The following TCF4 variants were observed in gnomAD, a reference collection of about 807,000 sequenced individuals.
TCF4 encodes SL3-3 enhancer factor 2.
TCF4 carries 3 observed loss-of-function variants against 82.1 expected under a neutral mutation model. That is an observed-to-expected ratio of 0.04 (90% confidence interval 0.02 to 0.09). The LOEUF is 0.09. Among genes scored for constraint, TCF4 ranks in the 10% least tolerant of loss-of-function variants. The probability of loss-of-function intolerance (pLI) is 1.00; values close to 1 mark genes in which losing one functional copy is unlikely to be tolerated. For synonymous variants in TCF4, 276 were observed against 309.6 expected (o/e 0.89, Z 1.14); for missense variants, 518 against 852.7 (o/e 0.61, Z 4.89).
intron 8 of TCF4, among the ~76,000 whole-genome samples, chr18:55,293,931 CTTTTTTTTTTTTTTTTTT>C (rs781150808): frequency 1.1e-3 from 45 of 40,062 alleles, no homozygotes; most frequent in Middle Eastern, 0.036. Flanking sequence ...TTTCCAAGGA[CTTTTTTTTTTTTTTTTTT>C]TTTTTTTTTT....
At chr18:55,486,625 C>T (rs1250979436) in intron 3 of TCF4, among the ~76,000 whole-genome samples, 3 of 152,022 alleles carry the variant, frequency 2.0e-5, no homozygotes, top group Non-Finnish European at 4.4e-5. Context: ...GAAAAGAAGA[C>T]AAGAAGGAAA....
intron 13 of TCF4, 110 bp downstream of exon 13, chr18:55,259,839 G>T: frequency 1.1e-6 from 1 of 923,514 alleles, no homozygotes. Flanking sequence ...GAATGTTAAA[G>T]CTTTGGGATT....
intron 8 of TCF4, among the ~76,000 whole-genome samples, chr18:55,312,426 T>C (rs1273503186): frequency 1.3e-5 from 2 of 152,166 alleles, no homozygotes; most frequent in African/African-American, 4.8e-5. Context: ...TGTTTTTCCT[T>C]TTTCGTCATC....
At chr18:55,495,799 C>T (rs1212296591) in intron 3 of TCF4, 1 of 152,052 alleles carries the variant, frequency 6.6e-6, no homozygotes, top group Non-Finnish European at 1.5e-5. Flanking sequence ...TAATCTAGAC[C>T]TAAGAAAAGA....
chr18:55,583,914 T>C (rs1374638403), intron 3 of TCF4, among the ~76,000 whole-genome samples: 1 of 152,084 alleles, frequency 6.6e-6, no homozygotes. Context: ...ATAATACTAA[T>C]ATAAAAACTA....
chr18:55,363,737 C>T (rs543298617), intron 6 of TCF4, among the ~76,000 whole-genome samples: 4 of 151,998 alleles, frequency 2.6e-5, no homozygotes, highest in African/African-American at 7.2e-5. Flanking sequence ...ACCTGGGAGG[C>T]GAAGTTTGCA....
At chr18:55,349,591 G>C (rs536944468) in intron 8 of TCF4, among the ~76,000 whole-genome samples, 7 of 152,134 alleles carry the variant, frequency 4.6e-5, no homozygotes, top group East Asian at 1.9e-4. Flanking sequence ...AGAAAGAAGA[G>C]AGGAAACTAT....
chr18:55,389,924 G>A (rs554218618), intron 6 of TCF4, among the ~76,000 whole-genome samples: 1 of 152,142 alleles, frequency 6.6e-6, no homozygotes, highest in Non-Finnish European at 1.5e-5. Flanking sequence ...TTTTGGAGAT[G>A]AGGGAGACCG....
At chr18:55,508,143 C>G (rs2096784410) in intron 3 of TCF4, among the ~76,000 whole-genome samples, 1 of 152,074 alleles carries the variant, frequency 6.6e-6, no homozygotes. Flanking sequence ...AAAACTTTCT[C>G]CCACCCCCCA....
At chr18:55,452,814 T>G (rs964990114) in intron 5 of TCF4, 2 of 152,222 alleles carry the variant, frequency 1.3e-5, no homozygotes, top group African/African-American at 4.8e-5. Context: ...CTCACGCTCC[T>G]TCCCATGCAA....
chr18:55,435,370 G>A (rs1470572363), intron 5 of TCF4, among the ~76,000 whole-genome samples: 2 of 152,168 alleles, frequency 1.3e-5, no homozygotes, highest in African/African-American at 4.8e-5. Context: ...GGCAAATGCT[G>A]AGTCTGTAAC....
At chr18:55,429,764 C>CAA (rs35255242) in intron 5 of TCF4, among the ~76,000 whole-genome samples, 37,558 of 57,072 alleles carry the variant, frequency 0.66, 15,502 homozygotes, top group Admixed American at 0.75. Context: ...GACTCCATCT[C>CAA]AAAAAAAAAA....
intron 3 of TCF4, among the ~76,000 whole-genome samples, chr18:55,580,346 G>A (rs1179665976): frequency 6.6e-6 from 1 of 151,934 alleles, no homozygotes; most frequent in Admixed American, 6.6e-5. Context: ...AAAGACAGGA[G>A]ATCCTTATTT....
chr18:55,564,879 C>T (rs981828402), intron 3 of TCF4, among the ~76,000 whole-genome samples: 2 of 152,160 alleles, frequency 1.3e-5, no homozygotes, highest in African/African-American at 4.8e-5. Context: ...AACCCTATTT[C>T]TATCCATTTT....
chr18:55,576,209 T>C (rs558518475), intron 3 of TCF4, among the ~76,000 whole-genome samples: 2 of 152,260 alleles, frequency 1.3e-5, no homozygotes, highest in African/African-American at 2.4e-5. Flanking sequence ...CAAAAGAACC[T>C]AGATTTCCAG....
upstream of TCF4, chr18:55,588,248 G>A: frequency 7.0e-7 from 1 of 1,421,106 alleles, no homozygotes; most frequent in South Asian, 1.5e-5. Flanking sequence ...CCGGGGAGGG[G>A]AGGGGACGGA....
Position 55,463,977 on chromosome 18 carries a change from T to TGTGA in TCF4, c.207+98_207+99insTCAC, listed in dbSNP as rs867214369. 0.079 allele frequency: 22,261 copies of TGTGA among 282,532 alleles called. 256 individuals are homozygous for TGTGA. Among genetic ancestry groups the TGTGA allele is most frequent in the African/African-American group, 0.099 (2,631 of 26,708 alleles). The allele number at this position is 282,532 out of a possible 1,614,324, so 17.5% of individuals were successfully genotyped here. A position where few individuals can be genotyped will look rare whatever the true frequency, so the allele number is the denominator to read the frequency against. ...GTGTGTGTGTGTGTGTGTGTGTGTG[T>TGTGA]GAGAGAGAGAGAGAGAGAGAGAGAG... On this transcript the variant is annotated intron_variant, in intron 4 of 19. Coordinates refer to ENST00000354452, the MANE Select transcript of TCF4 (RefSeq NM_001083962.2).
At chr18:55,466,009 G>A (rs1031405848) in intron 3 of TCF4, among the ~76,000 whole-genome samples, 2 of 152,246 alleles carry the variant, frequency 1.3e-5, no homozygotes, top group African/African-American at 4.8e-5. Context: ...TGAAAAGTAG[G>A]CAGAGACTTG....
chr18:55,277,727 T>C (rs1568636486), intron 9 of TCF4, among the ~76,000 whole-genome samples: 1 of 152,014 alleles, frequency 6.6e-6, no homozygotes, highest in Non-Finnish European at 1.5e-5. Context: ...TCTCCTGCAA[T>C]GTGCACCCTT....
Sources: gnomAD v4.1 joint callset for allele counts (sites outside exome capture counted in the v4.1 genomes callset) on GRCh38, gnomAD v4.1.1 for gene constraint, MANE v1.5 for transcripts, NCBI Gene and HGNC (gene_info 2026-07-23, HGNC 2026-07-21) for gene names.